ETF1: variants seen among roughly 807,000 people sequenced by gnomAD.
ETF1 encodes the protein eukaryotic peptide chain release factor subunit 1.
A neutral mutation model predicts 55.1 loss-of-function variants in ETF1; 4 were observed. That is an observed-to-expected ratio of 0.07 (90% CI 0.04 to 0.17). ETF1 has a LOEUF of 0.17. Among genes scored for constraint, ETF1 ranks in the 10% least tolerant of loss-of-function variants. The pLI is 1.00. For missense variants in ETF1, 142 were observed against 523.6 expected, an observed-to-expected ratio of 0.27 and a Z score of 7.11; for synonymous variants, 157 against 182.3, an observed-to-expected ratio of 0.86 and a Z score of 1.12.
At chr5:138,525,834 T>A (rs1765446212) in intron 2 of ETF1, among the ~76,000 whole-genome samples, 1 of 151,012 alleles carries the variant, frequency 6.6e-6, no homozygotes, top group South Asian at 2.1e-4. Context: ...TAATCCCAGC[T>A]ACTTTGAAGG....
At chr5:138,526,815 C>T (rs1580705154) in intron 2 of ETF1, among the ~76,000 whole-genome samples, 2 of 151,794 alleles carry the variant, frequency 1.3e-5, no homozygotes, top group South Asian at 2.1e-4. Context: ...ATTCTTCTGC[C>T]TCAGCCTCCT....
chr5:138,524,856 A>T (rs185990787), intron 2 of ETF1, among the ~76,000 whole-genome samples: 1 of 151,636 alleles, frequency 6.6e-6, no homozygotes, highest in Non-Finnish European at 1.5e-5. Context: ...GATTACAGGC[A>T]TGAGCCACCG....
intron 4 of ETF1, among the ~76,000 whole-genome samples, chr5:138,516,258 C>T (rs971722978): frequency 1.3e-5 from 2 of 152,112 alleles, no homozygotes; most frequent in Non-Finnish European, 2.9e-5. Flanking sequence ...AATGGATATA[C>T]GCTTGAGGAA....
At chr5:138,517,372 AAAAAAAAT>A (rs1765064123) in intron 4 of ETF1, among the ~76,000 whole-genome samples, 181 bp downstream of exon 4, 1 of 136,462 alleles carries the variant, frequency 7.3e-6, no homozygotes, top group Admixed American at 6.9e-5. Context: ...CTCCGTCTAA[AAAAAAAAT>A]AAAAAAATAA....
chr5:138,538,535 G>A (rs578173084), intron 2 of ETF1, among the ~76,000 whole-genome samples: 16 of 152,160 alleles, frequency 1.1e-4, no homozygotes, highest in Non-Finnish European at 1.8e-4. Context: ...TGGGGGAAGG[G>A]AGGCATGGAA....
At chr5:138,511,378 AAT>A in intron 7 of ETF1, 95 bp downstream of exon 7, 1 of 1,528,476 alleles carries the variant, frequency 6.5e-7, no homozygotes, top group East Asian at 2.3e-5. Context: ...TCATACATAC[AAT>A]CACGTACATA....
chr5:138,511,997 G>A, intron 6 of ETF1: 1 of 517,250 alleles, frequency 1.9e-6, no homozygotes, highest in Non-Finnish European at 2.5e-6. Flanking sequence ...CAGGAATTCT[G>A]AGACCAGCCT....
Position 138,507,052 on chromosome 5 carries a change from A to T in ETF1, c.*1253T>A, listed in dbSNP as rs1012246915. Reference sequence around the variant, plus strand: ...CACCCTGGGCACGCCATGACCTTGCATATCAGCTGGGTTCAAGTCTGACTT... The same window carrying T: ...CACCCTGGGCACGCCATGACCTTGCTTATCAGCTGGGTTCAAGTCTGACTT... On this transcript the variant is annotated 3_prime_UTR_variant, in exon 11 of 11. Coordinates refer to ENST00000360541, the MANE Select transcript of ETF1 (RefSeq NM_004730.4). 6.6e-6 allele frequency: 1 copy of T among 152,098 alleles called. No homozygotes were observed. Among genetic ancestry groups the T allele is most frequent in the Non-Finnish European group, 1.5e-5 (1 of 67,926 alleles). 9.4% of individuals were successfully genotyped at this position (152,098 alleles called of 1,614,324 possible). A position where few individuals can be genotyped will look rare whatever the true frequency, so the allele number is the denominator to read the frequency against.
chr5:138,537,560 T>C (rs1029767705), intron 2 of ETF1, among the ~76,000 whole-genome samples: 2 of 152,156 alleles, frequency 1.3e-5, no homozygotes, highest in African/African-American at 2.4e-5. Context: ...TTGACTTTTT[T>C]CTCATGTGGT....
At chr5:138,535,612 T>C (rs1372041560) in intron 2 of ETF1, among the ~76,000 whole-genome samples, 1 of 150,466 alleles carries the variant, frequency 6.6e-6, no homozygotes, top group East Asian at 2.0e-4. Flanking sequence ...TCTCAGATAC[T>C]TGGGAGGCTG....
chr5:138,511,697 T>C, intron 6 of ETF1, 93 bp from the exon 7 acceptor site: 2 of 1,441,710 alleles, frequency 1.4e-6, no homozygotes, highest in Non-Finnish European at 1.8e-6. Flanking sequence ...CTCTTAATGG[T>C]ATGCAAAGCT....
rs1766260526 is a variant in ETF1, at chr5:138,543,166, G to A, written c.-88C>T. The A allele has an allele frequency of 3.5e-6, 2 of 573,706 alleles. No individual in the cohort carries two copies. The highest frequency in any genetic ancestry group is 6.1e-6 in the Non-Finnish European group (2 of 325,472). The allele number at this position is 573,706 out of a possible 1,614,324, so 35.5% of individuals were successfully genotyped here. A position where few individuals can be genotyped will look rare whatever the true frequency, so the allele number is the denominator to read the frequency against. ...GCGGCTCCGCGGCGGCGGCGGCTCT[G>A]ACGTAGGACACCGGCTCCCTCTCTC... On this transcript the variant is annotated 5_prime_UTR_variant, in exon 1 of 11. Transcript: ENST00000360541.
chr5:138,511,151 G>A lies in ETF1; in HGVS notation c.912C>T (p.Gly304=), dbSNP rs1380449430. The change falls in exon 8 of 11, where the codon GGC becomes GGT. Residue 304 remains glycine, a synonymous_variant. Transcript: ENST00000360541. The part of the protein sequence containing the change: ...ISQDTGKYCF[G]VEDTLKALEM... ...CCAAAGCCTTTAGTGTATCTTCAAC[G>A]CCAAAACAGTACTTGCCCGTGTCCT... 2.0e-5 allele frequency: 32 copies of A among 1,613,596 alleles called. No homozygotes were observed. The highest frequency in any genetic ancestry group is 3.3e-4 in the Middle Eastern group (2 of 6,084).
rs1224717135 is a variant in ETF1 at position 138,542,966 on chromosome 5, C to G, written c.-18-30G>C. ...AGCGGCCCGGCGGGGCCCGGAGACA[C>G]CAAGACCACAGAGTTAGCGCCGCCG... On this transcript the variant is annotated intron_variant, in intron 1 of 10. Coordinates refer to ENST00000360541, the MANE Select transcript of ETF1 (RefSeq NM_004730.4). 3.7e-6 allele frequency: 6 copies of G among 1,604,134 alleles called. No homozygotes were observed. In the Admixed American group the frequency reaches 8.5e-5, roughly 23 times the overall value.
Position 138,506,202 on chromosome 5 carries a change from G to A in ETF1, c.*2103C>T, listed in dbSNP as rs781313782. On this transcript the variant is annotated 3_prime_UTR_variant, in exon 11 of 11. Coordinates refer to ENST00000360541, the MANE Select transcript of ETF1 (RefSeq NM_004730.4). ...AGGCTATAGAGAATGCAAAGGCTAC[G>A]GTTTTCACCCCCTCTTATATGTGTT... is the stretch of plus-strand genomic sequence containing the variant. The A allele has an allele frequency of 6.6e-6, 1 of 152,476 alleles. No individual in the cohort carries two copies. Among genetic ancestry groups the A allele is most frequent in the Non-Finnish European group, 1.5e-5 (1 of 68,020 alleles). The allele number at this position is 152,476 out of a possible 1,614,324, so 9.4% of individuals were successfully genotyped here.
Position 138,532,336 on chromosome 5 carries a change from C to G in ETF1, c.86+10497G>C, listed in dbSNP as rs554045267. On this transcript the variant is annotated intron_variant, in intron 2 of 10. Coordinates refer to ENST00000360541, the MANE Select transcript of ETF1 (RefSeq NM_004730.4). ...CCCAGATTCAGGCTCACGTCCAGCT[C>G]TATCACTTAATGGCCGTGTGACCGA... Among the ~76,000 whole-genome samples the G allele has an allele frequency of 7.5e-4, 115 of 152,336 alleles. 1 individual carries two copies. Among genetic ancestry groups the G allele is most frequent in the African/African-American group, 2.6e-3 (108 of 41,570 alleles).
intron 2 of ETF1, among the ~76,000 whole-genome samples, chr5:138,527,167 G>A: frequency 6.6e-6 from 1 of 152,108 alleles, no homozygotes; most frequent in East Asian, 1.9e-4. Context: ...AACTAGATGA[G>A]CTGGCTGTCC....
chr5:138,541,277 ACT>A (rs1218561627), intron 2 of ETF1, among the ~76,000 whole-genome samples: 1 of 152,148 alleles, frequency 6.6e-6, no homozygotes, highest in Non-Finnish European at 1.5e-5. Context: ...ATAACTGGTC[ACT>A]CTATCATACG....
intron 2 of ETF1, among the ~76,000 whole-genome samples, chr5:138,528,262 A>G (rs1765560543): frequency 6.6e-6 from 1 of 152,226 alleles, no homozygotes; most frequent in Non-Finnish European, 1.5e-5. Context: ...AGAGGGGAGA[A>G]ATTTGGGACA....
Sources: allele counts gnomAD v4.1 joint callset (sites outside exome capture counted in the v4.1 genomes callset), GRCh38; gene constraint gnomAD v4.1.1; transcripts MANE v1.5; gene names NCBI Gene and HGNC (gene_info 2026-07-23, HGNC 2026-07-21).